The following NWD1 variants were observed in gnomAD, a reference collection of about 807,000 sequenced individuals.
NWD1 encodes the protein NACHT and WD repeat domain containing 1, also known as NACHT domain- and WD repeat-containing protein 1.
NWD1 carries 129 observed loss-of-function variants against 135.1 expected under a neutral mutation model. The ratio of observed to expected loss-of-function variants is 0.96; its 90% CI spans 0.83 to 1.11. The LOEUF is 1.11. NWD1 is among the 50% of genes least tolerant of loss of function. NWD1 has a pLI of 0.00. For missense variants in NWD1, 1,740 were observed against 1,851.3 expected (o/e 0.94, Z 1.10); for synonymous variants, 773 against 786.0 (o/e 0.98, Z 0.28).
intron 3 of NWD1, 32 bp downstream of exon 3, chr19:16,731,310 T>G: frequency 7.5e-7 from 1 of 1,325,390 alleles, no homozygotes; most frequent in Non-Finnish European, 1.0e-6. Context: ...CTCCATGCTT[T>G]TTTTATTTTT....
chr19:16,761,132 T>C (rs1401746224), intron 7 of NWD1, among the ~76,000 whole-genome samples: 1 of 152,206 alleles, frequency 6.6e-6, no homozygotes, highest in Non-Finnish European at 1.5e-5. Context: ...CTTTTGTGTC[T>C]GGCTTCTTTC....
intron 4 of NWD1, among the ~76,000 whole-genome samples, chr19:16,741,473 C>G (rs551628474): frequency 4.0e-5 from 6 of 149,276 alleles, no homozygotes; most frequent in African/African-American, 1.2e-4. Context: ...TCAAGCAATT[C>G]TCCTTCCTCA....
At chr19:16,789,540 A>G (rs1274244238) in intron 13 of NWD1, among the ~76,000 whole-genome samples, 2 of 151,886 alleles carry the variant, frequency 1.3e-5, no homozygotes, top group East Asian at 1.9e-4. Flanking sequence ...TTCACTTTTG[A>G]TTTCTTCTTT....
rs565180976 is a variant in NWD1 at position 16,740,762 on chromosome 19, G to A, written c.199-3659G>A. On this transcript the variant is annotated intron_variant, in intron 4 of 18. Transcript: ENST00000524140. ...GCTGGGATTACAGGTGTGAGCCACC[G>A]CACTGGCCCAGGTTAACTCTTTTGG... Among the ~76,000 whole-genome samples, 28 of 149,586 alleles carry A rather than the reference G, an allele frequency of 1.9e-4. No individual in the cohort carries two copies. The South Asian group carries it at 5.1e-3, about 27-fold the overall frequency.
Position 16,815,513 on chromosome 19 carries a change from C to T in NWD1, c.*474C>T, listed in dbSNP as rs2144546677. On this transcript the variant is annotated 3_prime_UTR_variant, in exon 19 of 19. Transcript: ENST00000524140. ...TTCTTTCCTCTTTTTCATTTTCATTCTCAGACTTGCCACCCCCAGGTTAGC... is the reference window on the plus strand; with the variant it reads ...TTCTTTCCTCTTTTTCATTTTCATTTTCAGACTTGCCACCCCCAGGTTAGC... 1 of 556,422 alleles carries T rather than the reference C, an allele frequency of 1.8e-6. No individual in the cohort carries two copies. The highest frequency in any genetic ancestry group is 3.0e-5 in the East Asian group (1 of 33,256). 34.5% of individuals were successfully genotyped at this position (556,422 alleles called of 1,614,324 possible). A position where few individuals can be genotyped will look rare whatever the true frequency, so the allele number is the denominator to read the frequency against.
intron 2 of NWD1, among the ~76,000 whole-genome samples, chr19:16,730,346 A>AC (rs376057700): frequency 4.7e-4 from 72 of 151,962 alleles, no homozygotes; most frequent in African/African-American, 1.7e-3. Flanking sequence ...AAAAAAACAA[A>AC]AAAAAAACCC....
At chr19:16,738,152 G>T in intron 4 of NWD1, 1 of 423,252 alleles carries the variant, frequency 2.4e-6, no homozygotes, top group South Asian at 1.7e-5. Context: ...AGCTATAATG[G>T]CAGAGTTTAG....
At position 16,750,303 on chromosome 19, in the gene NWD1, C is replaced by T. The variant is rs746573085; in HGVS notation, c.1661C>T (p.Pro554Leu). ...RKWASFTVPV[P>L]LATTAEEATH... ...TGGGCCTCTTTCACCGTGCCTGTCC[C>T]GCTGGCCACCACCGCAGAGGAAGCC... Residue 554 changes from proline to leucine, a missense_variant, in exon 6 of 19, where the codon CCG becomes CTG. By Grantham distance (98) the Pro-to-Leu change is moderately conservative. Transcript: ENST00000524140. 5.8e-5 allele frequency: 94 copies of T among 1,613,462 alleles called. No homozygotes were observed. The highest frequency in any genetic ancestry group is 7.6e-5 in the Non-Finnish European group (90 of 1,179,974).
At position 16,749,961 on chromosome 19, in the gene NWD1, A is replaced by T; in HGVS notation, c.1319A>T (p.Asp440Val). 6.2e-7 allele frequency: 1 copy of T among 1,613,656 alleles called. No homozygotes were observed. The highest frequency in any genetic ancestry group is 8.5e-7 in the Non-Finnish European group (1 of 1,179,986). Residue 440 changes from aspartate to valine, a missense_variant, in exon 6 of 19, where the codon GAT (aspartate) becomes GTT (valine). Physicochemically the swap from Asp to Val is radical, Grantham distance 152. Transcript: ENST00000524140. ...ESLVLLLDAM[D>V]DLDSVRHARR... ...CTCGTGCTCCTGCTGGATGCTATGGATGACCTGGACTCTGTCCGCCATGCT... is the reference window on the plus strand; with the variant it reads ...CTCGTGCTCCTGCTGGATGCTATGGTTGACCTGGACTCTGTCCGCCATGCT...
At chr19:16,802,145 G>A (rs1457900329) in intron 17 of NWD1, among the ~76,000 whole-genome samples, 2 of 151,756 alleles carry the variant, frequency 1.3e-5, no homozygotes, top group Non-Finnish European at 2.9e-5. Flanking sequence ...TTAGCCGGAC[G>A]TGGTGGCGGG....
intron 3 of NWD1, among the ~76,000 whole-genome samples, chr19:16,736,226 T>TTCCTTCCTTCCTTCCTTCCTTCCC (rs1363170317): frequency 6.6e-6 from 1 of 150,646 alleles, no homozygotes; most frequent in Non-Finnish European, 1.5e-5. Context: ...CCTTCCTTCC[T>TTCCTTCCTTCCTTCCTTCCTTCCC]ACCTTCCTCT....
At chr19:16,762,180 C>A (rs1323405997) in intron 8 of NWD1, 42 bp downstream of exon 8, 3 of 1,585,302 alleles carry the variant, frequency 1.9e-6, no homozygotes, top group African/African-American at 1.3e-5. Context: ...GCAACCTCCA[C>A]CCTGCCTGGC....
At chr19:16,807,487 CA>C in intron 17 of NWD1, 98 bp from the exon 18 acceptor site, 1 of 934,946 alleles carries the variant, frequency 1.1e-6, no homozygotes, top group South Asian at 1.7e-5. Context: ...AGTGAGACTC[CA>C]TCTCAAAAAC....
At chr19:16,739,330 A>C (rs1435318736) in intron 4 of NWD1, among the ~76,000 whole-genome samples, 26 of 16,970 alleles carry the variant, frequency 1.5e-3, no homozygotes, top group African/African-American at 0.014. Context: ...TATCTCTACC[A>C]AAAAAAAAAA....
Position 16,731,104 on chromosome 19 carries a change from A to G in NWD1, c.-6-88A>G, listed in dbSNP as rs1967541702. ...CACAAAAAAGGGGAAAAAAGACAAA[A>G]GTAAATCAATAAAATAAAAGCAGAG... On this transcript the variant is annotated intron_variant, in intron 2 of 18. Transcript: ENST00000524140. 13 of 709,202 alleles carry G rather than the reference A, an allele frequency of 1.8e-5. No individual in the cohort carries two copies. In the South Asian group the frequency reaches 2.3e-4, roughly 13 times the overall value. 43.9% of individuals were successfully genotyped at this position (709,202 alleles called of 1,614,324 possible). A position where few individuals can be genotyped will look rare whatever the true frequency, so the allele number is the denominator to read the frequency against.
At chr19:16,755,246 ACT>A (rs1213961471) in intron 6 of NWD1, among the ~76,000 whole-genome samples, 3 of 151,832 alleles carry the variant, frequency 2.0e-5, no homozygotes, top group African/African-American at 4.8e-5. Flanking sequence ...ACAGGGTCTC[ACT>A]CTCTTGACCC....
At chr19:16,770,873 C>T (rs1195832192) in intron 10 of NWD1, among the ~76,000 whole-genome samples, 1 of 152,160 alleles carries the variant, frequency 6.6e-6, no homozygotes, top group Non-Finnish European at 1.5e-5. Flanking sequence ...GAACTCCACC[C>T]AATGTGAAGA....
intron 2 of NWD1, among the ~76,000 whole-genome samples, chr19:16,725,451 C>T (rs1967291576): frequency 6.6e-6 from 1 of 152,054 alleles, no homozygotes; most frequent in African/African-American, 2.4e-5. Context: ...GCACTCCAGC[C>T]TGGGTGGCAG....
intron 7 of NWD1, among the ~76,000 whole-genome samples, chr19:16,760,666 C>G (rs890420605): frequency 6.6e-6 from 1 of 152,212 alleles, no homozygotes; most frequent in Non-Finnish European, 1.5e-5. Flanking sequence ...TCTTGGCTCA[C>G]TGCAACCTCT....
Sources: gnomAD v4.1 joint callset for allele counts (sites outside exome capture counted in the v4.1 genomes callset) on GRCh38, gnomAD v4.1.1 for gene constraint, MANE v1.5 for transcripts, NCBI Gene and HGNC (gene_info 2026-07-23, HGNC 2026-07-21) for gene names.